Variants in SMAD3 observed in about 807,000 individuals in gnomAD.
SMAD3 encodes the protein MAD homolog 3.
SMAD3 carries 12 observed loss-of-function variants against 51.8 expected under a neutral mutation model. The ratio of observed to expected loss-of-function variants is 0.23; its 90% CI spans 0.15 to 0.38. SMAD3 has a LOEUF of 0.38. SMAD3 is among the 10% of genes least tolerant of loss of function. The pLI is 1.00. For synonymous variants in SMAD3, 238 were observed against 227.7 expected (o/e 1.05, Z -0.41); for missense variants, 294 against 565.6 (o/e 0.52, Z 4.87).
At chr15:67,105,808 G>T (rs902882874) in intron 1 of SMAD3, among the ~76,000 whole-genome samples, 5 of 152,158 alleles carry the variant, frequency 3.3e-5, no homozygotes, top group African/African-American at 1.2e-4. Context: ...CCTAGGTCAG[G>T]CCAGGGCCCA....
chr15:67,117,364 T>G (rs975754849), intron 1 of SMAD3, among the ~76,000 whole-genome samples: 2 of 152,182 alleles, frequency 1.3e-5, no homozygotes, highest in Non-Finnish European at 2.9e-5. Flanking sequence ...GATATGACGG[T>G]AGAAGAGAGC....
At chr15:67,091,338 A>ATGGC (rs1199678470) in intron 1 of SMAD3, among the ~76,000 whole-genome samples, 2 of 152,202 alleles carry the variant, frequency 1.3e-5, no homozygotes, top group African/African-American at 4.8e-5. Flanking sequence ...ACGGTAACAA[A>ATGGC]TGGCTGAAGG....
chr15:67,076,651 A>C (rs538201653), intron 1 of SMAD3, among the ~76,000 whole-genome samples: 1 of 152,338 alleles, frequency 6.6e-6, no homozygotes, highest in South Asian at 2.1e-4. Context: ...TTGGCCCTCC[A>C]CCTGGCTGTG....
chr15:67,139,280 C>G (rs80317056), intron 1 of SMAD3, among the ~76,000 whole-genome samples: 1 of 152,040 alleles, frequency 6.6e-6, no homozygotes, highest in Non-Finnish European at 1.5e-5. Flanking sequence ...TCAGATGCCC[C>G]GTGATATCTC....
intron 1 of SMAD3, among the ~76,000 whole-genome samples, chr15:67,133,740 A>G (rs1036349827): frequency 1.3e-5 from 2 of 152,200 alleles, no homozygotes; most frequent in East Asian, 3.8e-4. Flanking sequence ...GCCGACTCAA[A>G]TATTCCCCAG....
Position 67,142,817 on chromosome 15 carries a change from G to A in SMAD3, c.207-22078G>A, listed in dbSNP as rs1439639964. On this transcript the variant is annotated intron_variant, in intron 1 of 8. Coordinates refer to ENST00000327367, the MANE Select transcript of SMAD3 (RefSeq NM_005902.4). ...TAGGCTTGTGATGTTTGTGATAAGG[G>A]CCCTGTGGGGCAGCTGGTGGGCACC... 4 of 452,928 alleles carry A rather than the reference G, an allele frequency of 8.8e-6. No individual in the cohort carries two copies. The East Asian group carries it at 2.8e-4, about 32-fold the overall frequency. 28.1% of individuals were successfully genotyped at this position (452,928 alleles called of 1,614,324 possible).
chr15:67,073,690 T>C (rs1352284272), intron 1 of SMAD3, among the ~76,000 whole-genome samples: 1 of 149,282 alleles, frequency 6.7e-6, no homozygotes, highest in African/African-American at 2.5e-5. Flanking sequence ...ATTTTATTTT[T>C]TGAGATGGAG....
rs754796428 is a variant in SMAD3, at chr15:67,066,137, C to G, written c.-18C>G. 1 of 1,564,816 alleles carries G rather than the reference C, an allele frequency of 6.4e-7. No homozygotes were observed. Among genetic ancestry groups the G allele is most frequent in the Non-Finnish European group, 8.7e-7 (1 of 1,155,792 alleles). On this transcript the variant is annotated 5_prime_UTR_variant, in exon 1 of 9. Transcript: ENST00000327367. ...CCCGCCGGGGGCGCTCCTCGCCGCC[C>G]GCGCGCCCTCCCCAGCCATGTCGTC...
chr15:67,176,739 G>A (rs769696408), intron 5 of SMAD3, among the ~76,000 whole-genome samples: 11 of 152,226 alleles, frequency 7.2e-5, no homozygotes, highest in Non-Finnish European at 1.6e-4. Flanking sequence ...TGGATTAAGT[G>A]CCCTATGGCA....
At chr15:67,145,620 T>TG (rs1961955227) in intron 1 of SMAD3, among the ~76,000 whole-genome samples, 1 of 152,166 alleles carries the variant, frequency 6.6e-6, no homozygotes, top group African/African-American at 2.4e-5. Flanking sequence ...TGAAAGGTTA[T>TG]GGGTGACACT....
intron 6 of SMAD3, 71 bp downstream of exon 6, chr15:67,181,524 C>G (rs1963061328): frequency 2.2e-5 from 28 of 1,270,246 alleles, no homozygotes; most frequent in Admixed American, 1.2e-4. Flanking sequence ...AGCCCCAGGC[C>G]TGAACACACA....
chr15:67,110,297 G>C (rs1018545811), intron 1 of SMAD3, among the ~76,000 whole-genome samples: 2 of 152,256 alleles, frequency 1.3e-5, no homozygotes, highest in South Asian at 2.1e-4. Flanking sequence ...TGGAACATTC[G>C]AGGGAGAATC....
intron 1 of SMAD3, among the ~76,000 whole-genome samples, chr15:67,150,847 C>CTTCTTTT (rs1962118631): frequency 6.8e-5 from 1 of 14,668 alleles, no homozygotes; most frequent in Non-Finnish European, 1.1e-4. Context: ...ATTTCTCAGT[C>CTTCTTTT]TTTTTTTTTT....
chr15:67,162,775 C>G (rs1211193960), intron 1 of SMAD3, among the ~76,000 whole-genome samples: 2 of 151,996 alleles, frequency 1.3e-5, no homozygotes, highest in Non-Finnish European at 2.9e-5. Flanking sequence ...CTCCCGCACC[C>G]CTTTGCCTGG....
chr15:67,165,523 C>A, intron 3 of SMAD3, 139 bp downstream of exon 3: 3 of 1,029,774 alleles, frequency 2.9e-6, no homozygotes, highest in Non-Finnish European at 2.9e-6. Context: ...GCCTGAGGGC[C>A]CCTGACTCAG....
intron 1 of SMAD3, among the ~76,000 whole-genome samples, chr15:67,091,678 C>T (rs895862897): frequency 1.3e-5 from 2 of 152,154 alleles, no homozygotes; most frequent in African/African-American, 4.8e-5. Flanking sequence ...ATAACTGACA[C>T]TCTTCTAAAG....
At chr15:67,069,790 T>G (rs190981091) in intron 1 of SMAD3, among the ~76,000 whole-genome samples, 93 of 152,170 alleles carry the variant, frequency 6.1e-4, no homozygotes, top group Non-Finnish European at 1.1e-3. Context: ...CACTGCAACC[T>G]CTGCCTCCCG....
intron 1 of SMAD3, among the ~76,000 whole-genome samples, chr15:67,099,669 A>G (rs1371385657): frequency 6.6e-6 from 1 of 152,226 alleles, no homozygotes; most frequent in East Asian, 1.9e-4. Flanking sequence ...TTCCCAAGTA[A>G]GGTGTGATGA....
intron 5 of SMAD3, among the ~76,000 whole-genome samples, chr15:67,177,129 T>C (rs1448833941): frequency 3.3e-5 from 5 of 152,122 alleles, no homozygotes; most frequent in Admixed American, 1.3e-4. Flanking sequence ...GGTTGCCACC[T>C]CCCCCTGAGA....
Sources: allele counts gnomAD v4.1 joint callset (sites outside exome capture counted in the v4.1 genomes callset), GRCh38; gene constraint gnomAD v4.1.1; transcripts MANE v1.5; gene names NCBI Gene and HGNC (gene_info 2026-07-23, HGNC 2026-07-21).